The following ZDHHC2 variants were observed in gnomAD, a reference collection of about 807,000 sequenced individuals.
ZDHHC2 encodes the protein zDHHC palmitoyltransferase 2.
Under a neutral mutation model 55.6 loss-of-function variants are expected in ZDHHC2, and 51 were observed. That is an observed-to-expected ratio of 0.92 (90% CI 0.73 to 1.16). ZDHHC2 has a LOEUF of 1.16. ZDHHC2 is among the 50% of genes most tolerant of loss of function. The probability of loss-of-function intolerance (pLI) is 0.00; values close to 1 mark genes in which losing one functional copy is unlikely to be tolerated. For missense variants in ZDHHC2, 491 were observed against 442.4 expected (o/e 1.11, Z -0.99); for synonymous variants, 199 against 152.9 (o/e 1.30, Z -2.22).
intron 1 of ZDHHC2, among the ~76,000 whole-genome samples, chr8:17,183,463 C>T (rs555761740): frequency 1.2e-3 from 179 of 152,294 alleles, no homozygotes; most frequent in African/African-American, 4.0e-3. Flanking sequence ...GACTTACAAG[C>T]GGACTTGGAG....
chr8:17,199,655 T>C, intron 6 of ZDHHC2, among the ~76,000 whole-genome samples: 1 of 140,152 alleles, frequency 7.1e-6, no homozygotes, highest in Admixed American at 7.1e-5. Flanking sequence ...TCCTCCTCCC[T>C]CCTCCCTCCT....
At chr8:17,212,989 G>T (rs1239164109) in intron 10 of ZDHHC2, among the ~76,000 whole-genome samples, 1 of 151,970 alleles carries the variant, frequency 6.6e-6, no homozygotes, top group African/African-American at 2.4e-5. Context: ...TGGCCTTCTG[G>T]ATGTCATTCT....
intron 1 of ZDHHC2, among the ~76,000 whole-genome samples, chr8:17,157,109 C>T (rs367595408): frequency 6.6e-6 from 1 of 152,048 alleles, no homozygotes; most frequent in Non-Finnish European, 1.5e-5. Context: ...CTCCCGCCGC[C>T]TTCCGCTCAC....
At chr8:17,186,184 G>C in intron 2 of ZDHHC2, 147 bp from the exon 3 acceptor site, 1 of 552,148 alleles carries the variant, frequency 1.8e-6, no homozygotes, top group Non-Finnish European at 3.1e-6. Flanking sequence ...GTTGAGTTGT[G>C]TTTATTCTAG....
intron 3 of ZDHHC2, among the ~76,000 whole-genome samples, chr8:17,193,393 T>TCC (rs1197689450): frequency 6.6e-6 from 1 of 150,694 alleles, no homozygotes; most frequent in African/African-American, 2.4e-5. Context: ...AAACAGAGCC[T>TCC]CTCTCTCTCT....
At chr8:17,157,201 G>T (rs935329349) in intron 1 of ZDHHC2, among the ~76,000 whole-genome samples, 8 of 152,194 alleles carry the variant, frequency 5.3e-5, no homozygotes, top group Admixed American at 1.3e-4. Context: ...GGCCGGCGAG[G>T]CGCGCCGGGG....
chr8:17,220,033 ATT>A (rs35393426), intron 12 of ZDHHC2, among the ~76,000 whole-genome samples: 48 of 150,674 alleles, frequency 3.2e-4, no homozygotes, highest in East Asian at 2.3e-3. Context: ...AGAGTCTGCA[ATT>A]TTTTTTTTTG....
intron 3 of ZDHHC2, among the ~76,000 whole-genome samples, chr8:17,193,537 G>C (rs768294406): frequency 6.6e-6 from 1 of 152,198 alleles, no homozygotes; most frequent in Non-Finnish European, 1.5e-5. Context: ...TCCACTGCCT[G>C]CCTCCCCCAT....
intron 1 of ZDHHC2, among the ~76,000 whole-genome samples, chr8:17,160,289 C>T (rs1378035609): frequency 1.3e-5 from 2 of 152,318 alleles, no homozygotes; most frequent in South Asian, 4.1e-4. Flanking sequence ...GTTCAGTTCC[C>T]ATTTTTCTTA....
rs755217465 is a variant in ZDHHC2, at chr8:17,206,648, G to A, written c.597+873G>A. Among the ~76,000 whole-genome samples, 4 of 151,700 alleles carry A rather than the reference G, an allele frequency of 2.6e-5. 1 individual carries two copies. The highest frequency in any genetic ancestry group is 3.9e-4 in the East Asian group (2 of 5,186). On this transcript the variant is annotated intron_variant, in intron 7 of 12. Transcript: ENST00000262096. ...CCTATAATATCCTGAATTTTTATTCGGTATTTCTTGATTATGCTTTATACA... is the reference window on the plus strand; with the variant it reads ...CCTATAATATCCTGAATTTTTATTCAGTATTTCTTGATTATGCTTTATACA...
chr8:17,216,201 C>G lies in ZDHHC2; in HGVS notation c.1063+852C>G, dbSNP rs74650268. Reference sequence around the variant, plus strand: ...TCGTTTCTAGTCTTTTCAAATAAACCAGTCAACGTTTTAAAGTGTAATGAA... The same window carrying G: ...TCGTTTCTAGTCTTTTCAAATAAACGAGTCAACGTTTTAAAGTGTAATGAA... On this transcript the variant is annotated intron_variant, in intron 11 of 12. Transcript: ENST00000262096. Among the ~76,000 whole-genome samples the G allele has an allele frequency of 1.2e-4, 19 of 152,210 alleles. 1 individual carries two copies. In the East Asian group the frequency reaches 3.5e-3, roughly 28 times the overall value.
At chr8:17,173,848 C>G (rs1804989372) in intron 1 of ZDHHC2, among the ~76,000 whole-genome samples, 1 of 152,034 alleles carries the variant, frequency 6.6e-6, no homozygotes, top group South Asian at 2.1e-4. Context: ...TCCAGGACTT[C>G]AGAATTTATT....
At chr8:17,209,673 A>T (rs1807277897) in intron 8 of ZDHHC2, among the ~76,000 whole-genome samples, 1 of 152,124 alleles carries the variant, frequency 6.6e-6, no homozygotes, top group Non-Finnish European at 1.5e-5. Context: ...GCTAGTTTGT[A>T]TTTTCTGATT....
At position 17,207,989 on chromosome 8, in the gene ZDHHC2, C is replaced by T. The variant is rs1261516722; in HGVS notation, c.627C>T (p.Phe209=). ...TNGLPDTQAK[F]HIMFLFFAAA... ...GCCTACCTGATACTCAAGCCAAGTT[C>T]CATATTATGTTTTTATTCTTTGCTG... The change falls in exon 8 of 13, where the codon TTC becomes TTT. Residue 209 remains phenylalanine, a synonymous_variant. Coordinates refer to ENST00000262096, the MANE Select transcript of ZDHHC2 (RefSeq NM_016353.5). The T allele has an allele frequency of 1.9e-6, 3 of 1,583,920 alleles. No individual in the cohort carries two copies. The highest frequency in any genetic ancestry group is 2.6e-6 in the Non-Finnish European group (3 of 1,164,406).
chr8:17,193,517 G>T (rs746604794), intron 3 of ZDHHC2, among the ~76,000 whole-genome samples: 3 of 152,180 alleles, frequency 2.0e-5, no homozygotes, highest in Admixed American at 6.5e-5. Context: ...CTCGCCCAAG[G>T]CCCATTATGT....
intron 12 of ZDHHC2, among the ~76,000 whole-genome samples, chr8:17,219,247 G>A (rs140335996): frequency 0.17 from 6,849 of 41,046 alleles, 380 homozygotes; most frequent in African/African-American, 0.36. Context: ...GACAGAGCAA[G>A]ACTCTAAAAA....
chr8:17,205,853 C>T (rs545915959), intron 7 of ZDHHC2, 78 bp downstream of exon 7: 30 of 1,381,246 alleles, frequency 2.2e-5, no homozygotes, highest in Admixed American at 5.0e-5. Flanking sequence ...GAATTATTTC[C>T]GACACTGACT....
intron 3 of ZDHHC2, among the ~76,000 whole-genome samples, chr8:17,190,621 A>G (rs1805975419): frequency 6.6e-6 from 1 of 152,168 alleles, no homozygotes. Context: ...ACTAAATTAT[A>G]TTTTGAAAAT....
At position 17,222,413 on chromosome 8, in the gene ZDHHC2, A is replaced by G. The variant is rs1807962680; in HGVS notation, c.*2192A>G. On this transcript the variant is annotated 3_prime_UTR_variant, in exon 13 of 13. Transcript: ENST00000262096. ...ATTTATATAAAATTTACCTTTAAGT[A>G]TTTACTTTAAAAAATTTAATGGCTT... is the stretch of plus-strand genomic sequence containing the variant. 1 of 151,830 alleles carries G rather than the reference A, an allele frequency of 6.6e-6. No homozygotes were observed. The highest frequency in any genetic ancestry group is 6.6e-5 in the Admixed American group (1 of 15,220). The allele number at this position is 151,830 out of a possible 1,614,324, so 9.4% of individuals were successfully genotyped here.
Sources: gnomAD v4.1 joint callset for allele counts (sites outside exome capture counted in the v4.1 genomes callset) on GRCh38, gnomAD v4.1.1 for gene constraint, MANE v1.5 for transcripts, NCBI Gene and HGNC (gene_info 2026-07-23, HGNC 2026-07-21) for gene names.